VIT: variants seen among roughly 807,000 people sequenced by gnomAD.
VIT encodes the protein vitrin.
VIT carries 99 observed loss-of-function variants against 78.0 expected under a neutral mutation model. The observed-to-expected ratio is 1.27, with a 90% CI of 1.08 to 1.50. VIT has a LOEUF of 1.50. VIT is among the 40% of genes most tolerant of loss of function. The pLI is 0.00. For missense variants in VIT, 1,126 were observed against 875.3 expected (o/e 1.29, Z -3.61); for synonymous variants, 374 against 334.3 (o/e 1.12, Z -1.29).
At position 36,775,036 on chromosome 2, in the gene VIT, C is replaced by G; in HGVS notation, c.771C>G (p.Phe257Leu). 6.2e-7 allele frequency: 1 copy of G among 1,614,124 alleles called. No homozygotes were observed. Among genetic ancestry groups the G allele is most frequent in the African/African-American group, 1.3e-5 (1 of 75,050 alleles). ...IQRQDPSGAA[F>L]QKPVGADVSL... ...GGCAAGATCCTTCAGGAGCTGCCTT[C>G]CAGAAACCTGTTGGAGCGGATGTCA... Residue 257 changes from phenylalanine to leucine, a missense_variant, in exon 9 of 16, where the codon TTC becomes TTG. By Grantham distance (22) the Phe-to-Leu change is conservative. Transcript: ENST00000379242.
intron 12 of VIT, among the ~76,000 whole-genome samples, chr2:36,798,064 G>C (rs1351709371): frequency 6.6e-6 from 1 of 152,238 alleles, no homozygotes; most frequent in Non-Finnish European, 1.5e-5. Context: ...CTAGAACATG[G>C]AATATCCTAA....
intron 4 of VIT, among the ~76,000 whole-genome samples, chr2:36,751,300 GC>G (rs1440413163): frequency 5.3e-5 from 8 of 152,180 alleles, no homozygotes; most frequent in African/African-American, 1.7e-4. Context: ...GGAGGCTGAG[GC>G]ACAAGAATCG....
intron 3 of VIT, among the ~76,000 whole-genome samples, chr2:36,742,129 C>A (rs1022449883): frequency 2.0e-5 from 3 of 152,168 alleles, no homozygotes; most frequent in Non-Finnish European, 4.4e-5. Flanking sequence ...ATTCCCAGAT[C>A]AAAAGGCACC....
In VIT at chr2:36,787,154, A is replaced by G; in HGVS notation, c.936A>G (p.Leu312=). ...ACTGCAAAATTGACTTGTCGTTTTTAATTGATGGGAGCACCAGCATTGGCA... is the reference window on the plus strand; with the variant it reads ...ACTGCAAAATTGACTTGTCGTTTTTGATTGATGGGAGCACCAGCATTGGCA... ...DPNCKIDLSF[L]IDGSTSIGKR... The change falls in exon 12 of 16, where the codon TTA becomes TTG. Residue 312 remains leucine (L), a synonymous_variant. Coordinates refer to ENST00000379242, the MANE Select transcript of VIT (RefSeq NM_053276.4). The G allele has an allele frequency of 2.5e-6, 4 of 1,613,734 alleles. No homozygotes were observed. Among genetic ancestry groups the G allele is most frequent in the Non-Finnish European group, 3.4e-6 (4 of 1,179,834 alleles).
chr2:36,699,626 G>GTAGGTAGGTAGATAGA (rs372689790), intron 1 of VIT, among the ~76,000 whole-genome samples: 97 of 141,972 alleles, frequency 6.8e-4, no homozygotes, highest in African/African-American at 2.0e-3. Context: ...AGATATATAG[G>GTAGGTAGGTAGATAGA]TAGATAGATA....
At chr2:36,768,739 A>G (rs912140625) in intron 7 of VIT, among the ~76,000 whole-genome samples, 3 of 152,182 alleles carry the variant, frequency 2.0e-5, no homozygotes, top group African/African-American at 7.2e-5. Context: ...GGCAGAGCAC[A>G]TTTTGGCATG....
Position 36,782,948 on chromosome 2 carries a change from C to T in VIT, c.848-392C>T, listed in dbSNP as rs146776908. The stretch of plus-strand genomic sequence containing the variant: ...TCACCAAATGTTGACTGAGGACCTA[C>T]ATGATCTTGGCACGGTGGAGGTTTA... On this transcript the variant is annotated intron_variant, in intron 10 of 15. Coordinates refer to ENST00000379242, the MANE Select transcript of VIT (RefSeq NM_053276.4). Among the ~76,000 whole-genome samples, 46 of 152,322 alleles carry T rather than the reference C, an allele frequency of 3.0e-4. No homozygotes were observed. In the South Asian group the frequency reaches 9.1e-3, roughly 30 times the overall value.
intron 9 of VIT, 85 bp from the exon 10 acceptor site, chr2:36,781,642 C>A (rs548093757): frequency 3.3e-6 from 5 of 1,498,528 alleles, no homozygotes; most frequent in South Asian, 2.3e-5. Context: ...AATTGGGAAA[C>A]CTTATCATCC....
At chr2:36,706,333 G>A (rs547380959) in intron 1 of VIT, among the ~76,000 whole-genome samples, 1 of 152,292 alleles carries the variant, frequency 6.6e-6, no homozygotes, top group South Asian at 2.1e-4. Flanking sequence ...CAATAAATAT[G>A]AGAAGGGTTT....
At position 36,762,931 on chromosome 2, in the gene VIT, G is replaced by A. The variant is rs534327942; in HGVS notation, c.487+3885G>A. On this transcript the variant is annotated intron_variant, in intron 6 of 15. Coordinates refer to ENST00000379242, the MANE Select transcript of VIT (RefSeq NM_053276.4). ...CGCGCCCCAACTGCCCTGGCATTTA[G>A]CAACCATTAGGCAGGCAGCTGCTTT... 3.9e-5 allele frequency among the ~76,000 whole-genome samples: 6 copies of A among 152,252 alleles called. No homozygotes were observed. The East Asian group carries it at 1.2e-3, about 29-fold the overall frequency.
intron 2 of VIT, among the ~76,000 whole-genome samples, chr2:36,723,206 G>A (rs1666622478): frequency 6.6e-6 from 1 of 152,006 alleles, no homozygotes; most frequent in Non-Finnish European, 1.5e-5. Context: ...TAAATGCCTA[G>A]GATTTCCTAT....
At chr2:36,804,416 G>A (rs1666553886) in intron 13 of VIT, among the ~76,000 whole-genome samples, 1 of 152,208 alleles carries the variant, frequency 6.6e-6, no homozygotes, top group Admixed American at 6.5e-5. Context: ...AGGCTGCAGG[G>A]GGCCAAGAAG....
chr2:36,806,703 C>T (rs1401651155), intron 14 of VIT, among the ~76,000 whole-genome samples: 4 of 152,106 alleles, frequency 2.6e-5, no homozygotes, highest in South Asian at 2.1e-4. Flanking sequence ...CACACCACCA[C>T]GCCCAGCTAG....
chr2:36,754,889 C>CT, intron 4 of VIT, 32 bp from the exon 5 acceptor site: 1 of 1,599,332 alleles, frequency 6.3e-7, no homozygotes. Context: ...TATTTCTGTT[C>CT]TTTCCTGAAA....
intron 9 of VIT, among the ~76,000 whole-genome samples, chr2:36,777,542 C>A (rs1670148476): frequency 6.6e-6 from 1 of 152,108 alleles, no homozygotes; most frequent in Admixed American, 6.5e-5. Flanking sequence ...ACTCTGCTCC[C>A]ACTAAAACAC....
At position 36,766,120 on chromosome 2, in the gene VIT, A is replaced by C. The variant is rs1021698814; in HGVS notation, c.488-974A>C. 4.6e-5 allele frequency among the ~76,000 whole-genome samples: 7 copies of C among 151,482 alleles called. No homozygotes were observed. In the East Asian group the frequency reaches 5.8e-4, roughly 13 times the overall value. ...GTCCCCTTGCTCTAAACCTTCAGAG[A>C]TATTCTCAGAGCACTAACAAACTGA... On this transcript the variant is annotated intron_variant, in intron 6 of 15. Transcript: ENST00000379242.
chr2:36,704,839 C>T (rs1309671107), intron 1 of VIT, among the ~76,000 whole-genome samples: 1 of 151,070 alleles, frequency 6.6e-6, no homozygotes, highest in Non-Finnish European at 1.5e-5. Flanking sequence ...ATCTTGCAGA[C>T]GCACCCTCAT....
At chr2:36,728,104 T>TGCCACC in intron 2 of VIT, among the ~76,000 whole-genome samples, 1 of 152,028 alleles carries the variant, frequency 6.6e-6, no homozygotes, top group Admixed American at 6.5e-5. Context: ...AATATTTTTG[T>TGCCACC]ATTTTTAGTA....
intron 2 of VIT, 52 bp downstream of exon 2, chr2:36,716,474 T>C (rs1353868965): frequency 6.4e-7 from 1 of 1,566,628 alleles, no homozygotes; most frequent in African/African-American, 1.4e-5. Context: ...TTTCCTAAGA[T>C]CCAAAGAATC....
Sources: allele counts gnomAD v4.1 joint callset (sites outside exome capture counted in the v4.1 genomes callset), GRCh38; gene constraint gnomAD v4.1.1; transcripts MANE v1.5; gene names NCBI Gene and HGNC (gene_info 2026-07-23, HGNC 2026-07-21).